FGF14: variants seen among roughly 807,000 people sequenced by gnomAD.
FGF14 encodes the protein fibroblast growth factor 14.
FGF14 carries 5 observed loss-of-function variants against 25.5 expected under a neutral mutation model. That is an observed-to-expected ratio of 0.20 (90% CI 0.10 to 0.41). The LOEUF (loss-of-function observed/expected upper bound fraction) is 0.41, where lower values mean the gene tolerates loss of function less well. FGF14 is among the 10% of genes least tolerant of loss of function. The pLI, the probability that FGF14 is intolerant of heterozygous loss-of-function variation, is 1.00. For synonymous variants in FGF14, 138 were observed against 118.3 expected (o/e 1.17, Z -1.08); for missense variants, 222 against 320.1 (o/e 0.69, Z 2.34).
chr13:102,178,102 C>T (rs1334517033), intron 1 of FGF14, among the ~76,000 whole-genome samples: 1 of 152,044 alleles, frequency 6.6e-6, no homozygotes, highest in Non-Finnish European at 1.5e-5. Flanking sequence ...CTTCGACCAG[C>T]TCCCTCATAT....
chr13:101,890,062 T>G (rs566649061), intron 1 of FGF14, among the ~76,000 whole-genome samples: 4 of 152,186 alleles, frequency 2.6e-5, no homozygotes, highest in Non-Finnish European at 4.4e-5. Context: ...AGTTCTAAAA[T>G]TCAGTTCCTT....
rs1212595407 is a variant in FGF14, at chr13:101,835,197, T to C, written c.408+33528A>G. On this transcript the variant is annotated intron_variant, in intron 3 of 4. Transcript: ENST00000376143. Reference sequence around the variant, plus strand: ...TTTGAAGATAAAGTAATAGTGCTGCTTCTGCACAGCCTTTCAAGGTTGTGT... The same window carrying C: ...TTTGAAGATAAAGTAATAGTGCTGCCTCTGCACAGCCTTTCAAGGTTGTGT... Among the ~76,000 whole-genome samples the C allele has an allele frequency of 2.0e-5, 3 of 152,032 alleles. No individual in the cohort carries two copies. In the East Asian group the frequency reaches 5.8e-4, roughly 29 times the overall value.
At chr13:101,986,932 G>GTGCA (rs2038614922) in intron 1 of FGF14, among the ~76,000 whole-genome samples, 1 of 126,038 alleles carries the variant, frequency 7.9e-6, no homozygotes, top group South Asian at 2.5e-4. Flanking sequence ...ACACATGTAT[G>GTGCA]TGCATGCACA....
At chr13:102,333,485 G>A (rs139024410) in intron 1 of FGF14, among the ~76,000 whole-genome samples, 94 of 152,218 alleles carry the variant, frequency 6.2e-4, no homozygotes, top group African/African-American at 9.4e-4. Context: ...CTGCTATACC[G>A]TTTCCTATGG....
At chr13:102,117,691 C>A (rs919241771) in intron 1 of FGF14, among the ~76,000 whole-genome samples, 1 of 151,954 alleles carries the variant, frequency 6.6e-6, no homozygotes, top group Non-Finnish European at 1.5e-5. Context: ...ACAAAGAGAG[C>A]GGTGTTGGAA....
intron 1 of FGF14, among the ~76,000 whole-genome samples, chr13:102,357,162 A>C (rs1417101549): frequency 6.7e-6 from 1 of 150,210 alleles, no homozygotes; most frequent in African/African-American, 2.5e-5. Flanking sequence ...GCTCTTAATC[A>C]TGGTAAACTC....
chr13:102,199,644 A>C (rs1425132375), intron 1 of FGF14, among the ~76,000 whole-genome samples: 1 of 152,108 alleles, frequency 6.6e-6, no homozygotes, highest in African/African-American at 2.4e-5. Context: ...GAGAGTACAA[A>C]AGACCTCTAA....
intron 1 of FGF14, among the ~76,000 whole-genome samples, chr13:101,987,452 C>T (rs959944005): frequency 3.9e-5 from 6 of 152,038 alleles, no homozygotes; most frequent in African/African-American, 1.4e-4. Context: ...AGGCTATTCC[C>T]GACCCCCATA....
intron 1 of FGF14, among the ~76,000 whole-genome samples, chr13:102,272,334 T>C (rs537947040): frequency 1.1e-4 from 16 of 152,336 alleles, no homozygotes; most frequent in African/African-American, 3.4e-4. Flanking sequence ...TCACTCTATG[T>C]TACTTCATGC....
intron 1 of FGF14, among the ~76,000 whole-genome samples, chr13:101,909,796 T>G (rs67049247): frequency 0.12 from 17,516 of 152,202 alleles, 1,316 homozygotes; most frequent in East Asian, 0.2. Context: ...CGCACACATA[T>G]GTTTCTTGCG....
chr13:102,048,269 T>G (rs978819923), intron 1 of FGF14, among the ~76,000 whole-genome samples: 2 of 152,170 alleles, frequency 1.3e-5, no homozygotes, highest in East Asian at 3.9e-4. Flanking sequence ...ACCAATCTTA[T>G]GTTTTGTCTT....
At chr13:101,797,735 A>ATATGTGTGTT (rs533967581) in intron 3 of FGF14, among the ~76,000 whole-genome samples, 1 of 33,998 alleles carries the variant, frequency 2.9e-5, no homozygotes, top group Non-Finnish European at 1.0e-4. Flanking sequence ...TCATGAATTG[A>ATATGTGTGTT]TGTGTGTGTG....
At chr13:102,068,372 G>T (rs561465473) in intron 1 of FGF14, among the ~76,000 whole-genome samples, 4 of 152,246 alleles carry the variant, frequency 2.6e-5, no homozygotes, top group Non-Finnish European at 1.5e-5. Context: ...CCACTTTGGC[G>T]GCACTTGAGG....
chr13:101,765,725 TATTTA>T (rs1181094355), intron 3 of FGF14, among the ~76,000 whole-genome samples: 3 of 150,536 alleles, frequency 2.0e-5, no homozygotes, highest in African/African-American at 7.3e-5. Flanking sequence ...TTATTTTATT[TATTTA>T]TTTATTTATT....
intron 1 of FGF14, among the ~76,000 whole-genome samples, chr13:101,875,889 A>C (rs1036344309): frequency 1.3e-5 from 2 of 152,160 alleles, no homozygotes; most frequent in Admixed American, 1.3e-4. Flanking sequence ...CTGCTTAGAC[A>C]TATTCACAGG....
chr13:102,390,405 C>T (rs1304077161), intron 1 of FGF14, among the ~76,000 whole-genome samples: 1 of 152,210 alleles, frequency 6.6e-6, no homozygotes, highest in Non-Finnish European at 1.5e-5. Context: ...ATCACAGTCC[C>T]TTTTAGTTTC....
At chr13:101,733,613 G>A (rs1000900236) in intron 3 of FGF14, among the ~76,000 whole-genome samples, 1 of 69,566 alleles carries the variant, frequency 1.4e-5, no homozygotes, top group Non-Finnish European at 3.2e-5. Flanking sequence ...AAAAAAAAAA[G>A]AGAGAGAGGA....
chr13:101,889,400 T>C (rs2046155966), intron 1 of FGF14, among the ~76,000 whole-genome samples: 1 of 152,164 alleles, frequency 6.6e-6, no homozygotes, highest in Admixed American at 6.6e-5. Context: ...AAGAAAGGAA[T>C]TTGATATTCA....
At chr13:102,201,096 G>A (rs1241527526) in intron 1 of FGF14, among the ~76,000 whole-genome samples, 6 of 86,504 alleles carry the variant, frequency 6.9e-5, no homozygotes, top group Admixed American at 5.2e-4. Flanking sequence ...GCGAGACTCC[G>A]TCTCTCAAAA....
Sources: allele counts gnomAD v4.1 joint callset (sites outside exome capture counted in the v4.1 genomes callset), GRCh38; gene constraint gnomAD v4.1.1; transcripts MANE v1.5; gene names NCBI Gene and HGNC (gene_info 2026-07-23, HGNC 2026-07-21).